NEBL: variants seen among roughly 807,000 people sequenced by gnomAD.
NEBL encodes the protein LIM and SH3 protein 2.
Under a neutral mutation model 140.2 loss-of-function variants are expected in NEBL, and 122 were observed. That is an observed-to-expected ratio of 0.87 (90% confidence interval 0.75 to 1.01). NEBL has a LOEUF of 1.01. Among genes scored for constraint, NEBL ranks in the 50% least tolerant of loss-of-function variants. The probability of loss-of-function intolerance (pLI) is 0.00; values close to 1 mark genes in which losing one functional copy is unlikely to be tolerated. For synonymous variants in NEBL, 436 were observed against 398.9 expected (o/e 1.09, Z -1.11); for missense variants, 1,365 against 1,231.3 (o/e 1.11, Z -1.62).
intron 11 of NEBL, among the ~76,000 whole-genome samples, chr10:20,849,605 C>A (rs1842314301): frequency 6.6e-6 from 1 of 152,136 alleles, no homozygotes; most frequent in Admixed American, 6.5e-5. Flanking sequence ...CTCTGTCTTT[C>A]CACCTTCTGC....
chr10:20,905,483 T>A (rs1377451297), intron 4 of NEBL, among the ~76,000 whole-genome samples: 1 of 152,056 alleles, frequency 6.6e-6, no homozygotes, highest in Non-Finnish European at 1.5e-5. Flanking sequence ...TATAAAACCA[T>A]CAGATCTCAT....
At chr10:20,850,263 T>C in intron 11 of NEBL, 132 bp downstream of exon 11, 1 of 726,602 alleles carries the variant, frequency 1.4e-6, no homozygotes, top group African/African-American at 1.7e-5. Flanking sequence ...GGTGGCTGGG[T>C]CTAGAAAGCA....
rs1833755992 is a variant in NEBL at position 20,924,304 on chromosome 10, A to G, written c.357+37368T>C. ...GCCCTGTGTCTTCTGAGACCCTGAA[A>G]GTTTCACCTGTGACAACTTACAGTA... On this transcript the variant is annotated intron_variant, in intron 4 of 6. Transcript: ENST00000417816. 2.7e-5 allele frequency among the ~76,000 whole-genome samples: 4 copies of G among 150,386 alleles called. No individual in the cohort carries two copies. In the Admixed American group the frequency reaches 2.7e-4, roughly 10 times the overall value.
chr10:20,886,277 C>T (rs1564420914), intron 4 of NEBL, among the ~76,000 whole-genome samples: 1 of 152,002 alleles, frequency 6.6e-6, no homozygotes. Flanking sequence ...AATCCCTGCA[C>T]TTTGGGAGTC....
At chr10:21,143,448 CAAAAAAAAA>C (rs72021692) in intron 2 of NEBL, among the ~76,000 whole-genome samples, 1,285 of 66,516 alleles carry the variant, frequency 0.019, 31 homozygotes, top group African/African-American at 0.067. Context: ...AACTTCATCT[CAAAAAAAAA>C]AAAAAAAAAA....
At chr10:21,088,045 T>A (rs924268665) in intron 2 of NEBL, among the ~76,000 whole-genome samples, 1 of 152,182 alleles carries the variant, frequency 6.6e-6, no homozygotes, top group African/African-American at 2.4e-5. Flanking sequence ...ACAAACAAAG[T>A]GAAGCTTCCC....
chr10:21,270,926 C>G (rs114319873), intron 1 of NEBL, among the ~76,000 whole-genome samples: 1 of 152,130 alleles, frequency 6.6e-6, no homozygotes, highest in African/African-American at 2.4e-5. Context: ...GTTGGTGAGA[C>G]TGTAAATTGG....
At chr10:21,193,149 G>T (rs1841600641) in intron 3 of NEBL, among the ~76,000 whole-genome samples, 1 of 152,174 alleles carries the variant, frequency 6.6e-6, no homozygotes, top group Non-Finnish European at 1.5e-5. Flanking sequence ...TCACAGGGAT[G>T]GGGTGGAGTG....
chr10:20,785,673 A>C lies in NEBL; in HGVS notation c.*74T>G. 22 of 1,514,122 alleles carry C rather than the reference A, an allele frequency of 1.5e-5. No homozygotes were observed. Among genetic ancestry groups the C allele is most frequent in the Non-Finnish European group, 2.0e-5 (22 of 1,109,990 alleles). 93.8% of individuals were successfully genotyped at this position (1,514,122 alleles called of 1,614,324 possible). On this transcript the variant is annotated 3_prime_UTR_variant, in exon 28 of 28. Coordinates refer to ENST00000377122, the MANE Select transcript of NEBL (RefSeq NM_006393.3). ...TAAAATAATGGCCAAGTTGTCTTAAAAGTATCTTCTATCTTTTAAAAAGAT... is the reference window on the plus strand; with the variant it reads ...TAAAATAATGGCCAAGTTGTCTTAACAGTATCTTCTATCTTTTAAAAAGAT...
chr10:20,817,718 A>C (rs1250790438), intron 20 of NEBL, 26 bp from the exon 21 acceptor site: 1 of 1,524,938 alleles, frequency 6.6e-7, no homozygotes, highest in South Asian at 1.1e-5. Context: ...AAGAACTTTA[A>C]CAGATAGCAC....
At chr10:21,033,365 C>G (rs1179994621) in intron 2 of NEBL, among the ~76,000 whole-genome samples, 1 of 151,988 alleles carries the variant, frequency 6.6e-6, no homozygotes, top group African/African-American at 2.4e-5. Context: ...GCAATATGAA[C>G]AAAAATAATT....
chr10:21,146,495 T>G (rs758664147), intron 2 of NEBL: 1 of 1,612,904 alleles, frequency 6.2e-7, no homozygotes, highest in African/African-American at 1.3e-5. Context: ...GATTCTTCTT[T>G]CACTTTTAGC....
chr10:21,050,346 C>T (rs1181558844), intron 2 of NEBL, among the ~76,000 whole-genome samples: 1 of 152,132 alleles, frequency 6.6e-6, no homozygotes, highest in Non-Finnish European at 1.5e-5. Flanking sequence ...ACATTTTAAA[C>T]ACATTAAAAT....
chr10:20,895,951 C>A (rs1847433984), intron 2 of NEBL, among the ~76,000 whole-genome samples: 1 of 152,108 alleles, frequency 6.6e-6, no homozygotes, highest in African/African-American at 2.4e-5. Flanking sequence ...GGGATGGAGC[C>A]AAGCCAGGTT....
At chr10:21,257,668 A>G (rs1006167572) in intron 1 of NEBL, among the ~76,000 whole-genome samples, 1 of 151,812 alleles carries the variant, frequency 6.6e-6, no homozygotes, top group Non-Finnish European at 1.5e-5. Flanking sequence ...GGCGGATCAC[A>G]AGGTCAGGAG....
intron 3 of NEBL, among the ~76,000 whole-genome samples, chr10:20,974,156 C>T (rs141109088): frequency 4.1e-4 from 63 of 152,282 alleles, no homozygotes; most frequent in African/African-American, 1.5e-3. Flanking sequence ...CCCAGATCTG[C>T]TGTCCCCAAA....
At chr10:21,135,337 G>T (rs1839303841) in intron 2 of NEBL, among the ~76,000 whole-genome samples, 1 of 152,124 alleles carries the variant, frequency 6.6e-6, no homozygotes. Flanking sequence ...ACTCCTTTGT[G>T]TGGTACTTCC....
intron 26 of NEBL, among the ~76,000 whole-genome samples, chr10:20,799,913 A>G (rs1200283195): frequency 6.7e-6 from 1 of 149,702 alleles, no homozygotes; most frequent in Non-Finnish European, 1.5e-5. Flanking sequence ...TATCATACCT[A>G]CCATCTGGCA....
intron 2 of NEBL, among the ~76,000 whole-genome samples, chr10:20,891,639 T>C (rs1847042168): frequency 6.6e-6 from 1 of 152,220 alleles, no homozygotes; most frequent in African/African-American, 2.4e-5. Context: ...ATTTACTTCT[T>C]CTGTTAGGCA....
Sources: allele counts gnomAD v4.1 joint callset (sites outside exome capture counted in the v4.1 genomes callset), GRCh38; gene constraint gnomAD v4.1.1; transcripts MANE v1.5; gene names NCBI Gene and HGNC (gene_info 2026-07-23, HGNC 2026-07-21).